The following MARCHF6 variants were observed in gnomAD, a reference collection of about 807,000 sequenced individuals.
MARCHF6 encodes the protein membrane associated ring-CH-type finger 6.
A neutral mutation model predicts 133.7 loss-of-function variants in MARCHF6; 31 were observed. The observed-to-expected ratio is 0.23, with a 90% CI of 0.17 to 0.31. MARCHF6 has a LOEUF of 0.31. MARCHF6 is among the 10% of genes least tolerant of loss of function. MARCHF6 has a pLI of 1.00. For missense variants in MARCHF6, 723 were observed against 1,121.6 expected (o/e 0.64, Z 5.08); for synonymous variants, 395 against 402.5 (o/e 0.98, Z 0.22).
At position 10,417,327 on chromosome 5, in the gene MARCHF6, G is replaced by GGGCTCCTGTTTGAGCTGGTCATTGT; in HGVS notation, c.2213_2237dup (p.Leu747ValfsTer2). On this transcript the variant is annotated frameshift_variant, in exon 22 of 26. Transcript: ENST00000274140. LOFTEE classifies it high-confidence loss of function. ...GGCTGGAGTTGTCCCTCTCCTTCTG[G>GGGCTCCTGTTTGAGCTGGTCATTGT]GGCTCCTGTTTGAGCTGGTCATTGT... The GGGCTCCTGTTTGAGCTGGTCATTGT allele has an allele frequency of 6.2e-7, 1 of 1,614,078 alleles. No individual in the cohort carries two copies.
chr5:10,399,971 G>A (rs1245561021), intron 10 of MARCHF6, among the ~76,000 whole-genome samples: 1 of 152,070 alleles, frequency 6.6e-6, no homozygotes, highest in Non-Finnish European at 1.5e-5. Context: ...TAAACTGGAA[G>A]TCAGATCTAA....
At chr5:10,385,369 G>T (rs1248414016) in intron 4 of MARCHF6, among the ~76,000 whole-genome samples, 1 of 152,128 alleles carries the variant, frequency 6.6e-6, no homozygotes, top group Non-Finnish European at 1.5e-5. Flanking sequence ...TAGAAGAATA[G>T]AAATAGGATG....
chr5:10,398,606 A>G (rs1738331414), intron 10 of MARCHF6, among the ~76,000 whole-genome samples: 1 of 152,198 alleles, frequency 6.6e-6, no homozygotes, highest in Admixed American at 6.5e-5. Context: ...TTTGAGAGAA[A>G]AAATGATCTA....
At chr5:10,367,770 T>A (rs575250768) in intron 1 of MARCHF6, among the ~76,000 whole-genome samples, 3 of 152,032 alleles carry the variant, frequency 2.0e-5, no homozygotes, top group African/African-American at 7.2e-5. Context: ...AGCTTTTTTT[T>A]AATTAAAAAA....
intron 5 of MARCHF6, among the ~76,000 whole-genome samples, chr5:10,389,445 A>G (rs1737681023): frequency 6.6e-6 from 1 of 152,040 alleles, no homozygotes; most frequent in Admixed American, 6.6e-5. Flanking sequence ...CTCTGTACCC[A>G]TGCTGGAGTG....
At chr5:10,387,813 A>G (rs563808792) in intron 5 of MARCHF6, among the ~76,000 whole-genome samples, 2 of 152,226 alleles carry the variant, frequency 1.3e-5, no homozygotes, top group East Asian at 3.9e-4. Context: ...AGCATGTGGC[A>G]GCAAGCCAGG....
At chr5:10,378,337 T>C (rs1213231078) in intron 2 of MARCHF6, among the ~76,000 whole-genome samples, 2 of 152,230 alleles carry the variant, frequency 1.3e-5, no homozygotes, top group Non-Finnish European at 2.9e-5. Context: ...ATTATTATTA[T>C]GCAGATGAGG....
At chr5:10,411,171 T>A (rs1393526201) in intron 18 of MARCHF6, among the ~76,000 whole-genome samples, 162 bp from the exon 19 acceptor site, 1 of 152,196 alleles carries the variant, frequency 6.6e-6, no homozygotes, top group Non-Finnish European at 1.5e-5. Flanking sequence ...TGATTTAAAG[T>A]GGGTACAAAC....
intron 1 of MARCHF6, among the ~76,000 whole-genome samples, chr5:10,363,498 G>A (rs1735949102): frequency 6.6e-6 from 1 of 152,146 alleles, no homozygotes; most frequent in South Asian, 2.1e-4. Context: ...GGTAAGTGTT[G>A]GTGAGCATTG....
intron 9 of MARCHF6, 65 bp from the exon 10 acceptor site, chr5:10,397,228 A>G (rs772206417): frequency 6.6e-5 from 78 of 1,173,602 alleles, no homozygotes; most frequent in Non-Finnish European, 9.4e-5. Flanking sequence ...AATAAGTGGA[A>G]TAGTCCAATT....
Position 10,435,707 on chromosome 5 carries a change from T to TA in MARCHF6, c.*2023_*2024insA, listed in dbSNP as rs1204055975. ...TATATATATATATATATTTTTTTTT[T>TA]TTTTTTTTTTTTTTTTTTTTTGCCC... On this transcript the variant is annotated 3_prime_UTR_variant, in exon 26 of 26. Transcript: ENST00000274140. The TA allele has an allele frequency of 1.7e-5, 1 of 58,658 alleles. No homozygotes were observed. Among genetic ancestry groups the TA allele is most frequent in the African/African-American group, 7.9e-5 (1 of 12,668 alleles). 3.6% of individuals were successfully genotyped at this position (58,658 alleles called of 1,614,324 possible). A position where few individuals can be genotyped will look rare whatever the true frequency, so the allele number is the denominator to read the frequency against.
Position 10,429,903 on chromosome 5 carries a change from G to A in MARCHF6, c.2517G>A (p.Ala839=), listed in dbSNP as rs754867224. 45 of 1,611,268 alleles carry A rather than the reference G, an allele frequency of 2.8e-5. No homozygotes were observed. The highest frequency in any genetic ancestry group is 5.5e-5 in the South Asian group (5 of 90,868). Residue 839 remains alanine, a synonymous_variant, in exon 25 of 26, where the codon GCG becomes GCA. Coordinates refer to ENST00000274140, the MANE Select transcript of MARCHF6 (RefSeq NM_005885.4). The part of the protein sequence containing the change: ...SGVVPLLGVT[A]EMQNLVHRRI... ...TTTTTGGTTTTCTAGGTGTTACTGC[G>A]GAAATGCAAAACTTAGTCCATCGGC... is the stretch of plus-strand genomic sequence containing the variant.
At chr5:10,423,644 G>A in intron 22 of MARCHF6, 91 bp from the exon 23 acceptor site, 1 of 727,706 alleles carries the variant, frequency 1.4e-6, no homozygotes, top group South Asian at 2.7e-5. Flanking sequence ...CTATTTTGAT[G>A]TGAAATAATG....
intron 19 of MARCHF6, among the ~76,000 whole-genome samples, chr5:10,412,611 T>C (rs1170651443): frequency 3.3e-5 from 5 of 152,184 alleles, no homozygotes. Flanking sequence ...TCTTGCTCTG[T>C]TGCCCAGGCT....
At chr5:10,386,898 A>G (rs990769328) in intron 4 of MARCHF6, 96 bp from the exon 5 acceptor site, 4 of 852,896 alleles carry the variant, frequency 4.7e-6, no homozygotes, top group Non-Finnish European at 6.1e-6. Flanking sequence ...TTTCAGTGGC[A>G]TTTGTGGCGT....
intron 4 of MARCHF6, among the ~76,000 whole-genome samples, chr5:10,382,468 C>CAA (rs550904656): frequency 0.013 from 988 of 74,300 alleles, 15 homozygotes; most frequent in African/African-American, 0.042. Context: ...CTTTGTCTCG[C>CAA]AAAAAAAAAA....
intron 1 of MARCHF6, among the ~76,000 whole-genome samples, chr5:10,373,878 G>T (rs926660758): frequency 6.6e-6 from 1 of 152,024 alleles, no homozygotes; most frequent in Non-Finnish European, 1.5e-5. Flanking sequence ...GCTGGATGAG[G>T]GTTCAGCTCC....
chr5:10,412,922 A>G (rs1561141044), intron 19 of MARCHF6, among the ~76,000 whole-genome samples: 1 of 152,084 alleles, frequency 6.6e-6, no homozygotes, highest in African/African-American at 2.4e-5. Context: ...AGAGGTGAGG[A>G]ACAAGGGGAG....
chr5:10,405,775 G>C, intron 16 of MARCHF6, 98 bp downstream of exon 16: 3 of 1,062,082 alleles, frequency 2.8e-6, no homozygotes, highest in Non-Finnish European at 4.0e-6. Context: ...CAGGCTGATA[G>C]AGTATATTGA....
Sources: allele counts gnomAD v4.1 joint callset (sites outside exome capture counted in the v4.1 genomes callset), GRCh38; gene constraint gnomAD v4.1.1; transcripts MANE v1.5; gene names NCBI Gene and HGNC (gene_info 2026-07-23, HGNC 2026-07-21).